The following ERMP1 variants were observed in gnomAD, a reference collection of about 807,000 sequenced individuals.
The protein encoded by ERMP1 is Felix-ina.
ERMP1 carries 86 observed loss-of-function variants against 92.0 expected under a neutral mutation model. The ratio of observed to expected loss-of-function variants is 0.93; its 90% CI spans 0.79 to 1.12. The LOEUF (loss-of-function observed/expected upper bound fraction) is 1.12. ERMP1 is among the 50% of genes most tolerant of loss of function. The pLI is 0.00. For missense variants in ERMP1, 1,342 were observed against 1,116.3 expected (o/e 1.20, Z -2.88); for synonymous variants, 530 against 412.8 (o/e 1.28, Z -3.44).
chr9:5,808,762 G>A (rs991934389), intron 8 of ERMP1, among the ~76,000 whole-genome samples: 8 of 152,038 alleles, frequency 5.3e-5, no homozygotes, highest in Admixed American at 3.9e-4. Flanking sequence ...GTTTGAGATA[G>A]GGTCTCACTC....
chr9:5,799,919 A>C (rs1828603901), intron 11 of ERMP1, among the ~76,000 whole-genome samples: 1 of 152,250 alleles, frequency 6.6e-6, no homozygotes, highest in Non-Finnish European at 1.5e-5. Flanking sequence ...GGTTTTACAA[A>C]TTGTAAAATC....
chr9:5,824,036 A>C, intron 3 of ERMP1, 35 bp from the exon 4 acceptor site: 1 of 1,527,624 alleles, frequency 6.5e-7, no homozygotes, highest in Non-Finnish European at 9.0e-7. Flanking sequence ...ATATTTGTTA[A>C]ACAATCTTAA....
At chr9:5,845,402 A>C (rs1243129015) in intron 6 of ERMP1, among the ~76,000 whole-genome samples, 1 of 152,170 alleles carries the variant, frequency 6.6e-6, no homozygotes, top group East Asian at 1.9e-4. Flanking sequence ...ATTTCAAAAT[A>C]ATAATAATAT....
At chr9:5,800,231 T>C (rs572484647) in intron 11 of ERMP1, among the ~76,000 whole-genome samples, 1 of 152,318 alleles carries the variant, frequency 6.6e-6, no homozygotes, top group South Asian at 2.1e-4. Context: ...GTATAAGGCA[T>C]AAGATAATTT....
rs761553950 is a variant in ERMP1, at chr9:5,831,028, C to G, written c.339G>C (p.Arg113Ser). ...TGGAGGTTATGTGTTCAAGATAATCCCTGGAAGTAACCAAAAGAATAACAA... is the reference window on the plus strand; with the variant it reads ...TGGAGGTTATGTGTTCAAGATAATCGCTGGAAGTAACCAAAAGAATAACAA... ...HRGEFDALQA[R>S]DYLEHITSIG... The change falls in exon 2 of 15, where the codon AGG becomes AGC. Residue 113 changes from arginine to serine, a missense_variant and splice_region_variant. Transcript: ENST00000339450. 1 of 1,601,428 alleles carries G rather than the reference C, an allele frequency of 6.2e-7. No individual in the cohort carries two copies. The highest frequency in any genetic ancestry group is 1.7e-5 in the Admixed American group (1 of 58,704).
chr9:5,816,557 C>G (rs1253827606), intron 4 of ERMP1, among the ~76,000 whole-genome samples: 1 of 152,148 alleles, frequency 6.6e-6, no homozygotes, highest in East Asian at 1.9e-4. Flanking sequence ...GTTGGTATTA[C>G]CTACCCAAAA....
upstream of ERMP1, among the ~76,000 whole-genome samples, chr9:5,834,597 C>T (rs1830059828): frequency 6.6e-6 from 1 of 152,158 alleles, no homozygotes; most frequent in South Asian, 2.1e-4. Context: ...TCTGTAAGCA[C>T]TATGAGACTA....
intron 5 of ERMP1, 131 bp downstream of exon 5, chr9:5,812,758 G>A (rs1044303543): frequency 1.0e-6 from 1 of 984,540 alleles, no homozygotes; most frequent in African/African-American, 1.6e-5. Context: ...CTGTTTTAGT[G>A]AGTCAATGTA....
At chr9:5,860,172 G>A (rs541365932) in intron 5 of ERMP1, among the ~76,000 whole-genome samples, 2 of 151,566 alleles carry the variant, frequency 1.3e-5, no homozygotes, top group East Asian at 3.9e-4. Flanking sequence ...AGGTGTGGTA[G>A]TGCATACCTG....
At position 5,805,168 on chromosome 9, in the gene ERMP1, A is replaced by C; in HGVS notation, c.1773T>G (p.Pro591=). ...AGATGAGGTACAATGCATAAAGATA[A>C]GGAATAAACATCCCCAAAAGGTAAA... The part of the protein sequence containing the change: ...IAFYLLGMFI[P]YLYALYLIWA... Residue 591 remains proline (P), a synonymous_variant, in exon 10 of 15, where the codon CCT becomes CCG. Transcript: ENST00000339450. 2 of 1,612,600 alleles carry C rather than the reference A, an allele frequency of 1.2e-6. No individual in the cohort carries two copies. Among genetic ancestry groups the C allele is most frequent in the Non-Finnish European group, 1.7e-6 (2 of 1,179,666 alleles).
At chr9:5,791,820 G>C (rs1010933543) in intron 13 of ERMP1, among the ~76,000 whole-genome samples, 8 of 152,132 alleles carry the variant, frequency 5.3e-5, no homozygotes, top group African/African-American at 1.9e-4. Flanking sequence ...TGGATGCCAA[G>C]AATACAGAGA....
intron 5 of ERMP1, among the ~76,000 whole-genome samples, chr9:5,861,725 T>TTTTTG: frequency 7.0e-6 from 1 of 143,404 alleles, no homozygotes; most frequent in Admixed American, 7.0e-5. Flanking sequence ...GGGTTTTTTT[T>TTTTTG]TTTTTTTTTT....
chr9:5,832,652 C>G (rs1829995097), intron 1 of ERMP1, 38 bp downstream of exon 1: 1 of 1,359,754 alleles, frequency 7.4e-7, no homozygotes, highest in African/African-American at 1.5e-5. Context: ...GAGCCGCAAA[C>G]GGACGCGCGG....
intron 6 of ERMP1, among the ~76,000 whole-genome samples, chr9:5,856,743 C>G (rs763552561): frequency 5.3e-5 from 8 of 152,190 alleles, no homozygotes; most frequent in Non-Finnish European, 8.8e-5. Context: ...TTTCACCAAT[C>G]AATACATAAC....
chr9:5,857,261 A>G (rs111305254), intron 6 of ERMP1, among the ~76,000 whole-genome samples: 54 of 152,240 alleles, frequency 3.5e-4, no homozygotes, highest in African/African-American at 1.1e-3. Flanking sequence ...AGCTCAAGGG[A>G]TCCTCCTGCC....
upstream of ERMP1, among the ~76,000 whole-genome samples, chr9:5,835,581 T>C (rs35470518): frequency 0.02 from 3,001 of 152,220 alleles, 33 homozygotes; most frequent in Non-Finnish European, 0.025. Context: ...TGAGCTGGGA[T>C]GTTCAGAGGC....
At chr9:5,845,145 T>G (rs79238022) in intron 6 of ERMP1, among the ~76,000 whole-genome samples, 1 of 10,544 alleles carries the variant, frequency 9.5e-5, no homozygotes, top group Non-Finnish European at 2.2e-3. Flanking sequence ...CTTTCAGTGT[T>G]TTTTTTTTTT....
chr9:5,807,579 CTACTAA>C (rs1440060443), intron 8 of ERMP1, among the ~76,000 whole-genome samples: 1 of 152,056 alleles, frequency 6.6e-6, no homozygotes, highest in Non-Finnish European at 1.5e-5. Flanking sequence ...AACCCTGTCT[CTACTAA>C]AAACACAAAA....
At chr9:5,863,167 A>G (rs1830553228) in intron 5 of ERMP1, among the ~76,000 whole-genome samples, 1 of 152,224 alleles carries the variant, frequency 6.6e-6, no homozygotes, top group South Asian at 2.1e-4. Context: ...CTGCCAGTTT[A>G]AAGGCCTCAT....
Sources: allele counts gnomAD v4.1 joint callset (sites outside exome capture counted in the v4.1 genomes callset), GRCh38; gene constraint gnomAD v4.1.1; transcripts MANE v1.5; gene names NCBI Gene and HGNC (gene_info 2026-07-23, HGNC 2026-07-21).